Variants in CSMD1 observed in about 807,000 individuals in gnomAD.
The protein encoded by CSMD1 is CUB and sushi domain-containing protein 1.
A neutral mutation model predicts 417.5 loss-of-function variants in CSMD1; 213 were observed. The observed-to-expected ratio is 0.51, with a 90% CI of 0.46 to 0.57. The LOEUF (loss-of-function observed/expected upper bound fraction) is 0.57. Ranked by LOEUF, CSMD1 falls within the 20% of genes least tolerant of loss-of-function variation. The pLI is 0.00. For synonymous variants in CSMD1, 2,862 were observed against 1,736.8 expected, an observed-to-expected ratio of 1.65 and a Z score of -16.11; for missense variants, 6,923 against 4,529.7, an observed-to-expected ratio of 1.53 and a Z score of -15.17.
At chr8:4,143,543 T>C (rs1194256831) in intron 3 of CSMD1, among the ~76,000 whole-genome samples, 2 of 150,988 alleles carry the variant, frequency 1.3e-5, no homozygotes, top group Non-Finnish European at 1.5e-5. Flanking sequence ...AAATCTATAT[T>C]GTATACTTGT....
At chr8:3,090,810 G>A (rs541364356) in intron 48 of CSMD1, among the ~76,000 whole-genome samples, 2 of 152,110 alleles carry the variant, frequency 1.3e-5, no homozygotes, top group African/African-American at 4.8e-5. Context: ...GGAATTAAGA[G>A]TCTGCCTACT....
At chr8:4,082,979 G>A (rs1046370059) in intron 3 of CSMD1, among the ~76,000 whole-genome samples, 3 of 151,882 alleles carry the variant, frequency 2.0e-5, no homozygotes, top group African/African-American at 4.8e-5. Flanking sequence ...ACTCCATGGT[G>A]TATATGTGCC....
chr8:4,535,259 A>G (rs1418619714), intron 2 of CSMD1, among the ~76,000 whole-genome samples: 3 of 152,232 alleles, frequency 2.0e-5, no homozygotes, highest in African/African-American at 7.2e-5. Flanking sequence ...ATTTAAATGA[A>G]TTTAATTTTA....
chr8:3,136,275 G>A (rs1277825354), intron 41 of CSMD1, among the ~76,000 whole-genome samples: 7 of 132,840 alleles, frequency 5.3e-5, no homozygotes, highest in Admixed American at 8.4e-5. Flanking sequence ...TTTGCCCCCC[G>A]AGATAGAGTT....
intron 6 of CSMD1, among the ~76,000 whole-genome samples, chr8:3,728,780 A>G (rs368860502): frequency 6.6e-6 from 1 of 152,210 alleles, no homozygotes; most frequent in African/African-American, 2.4e-5. Flanking sequence ...TCAAATGTCA[A>G]ATATGAGGTT....
intron 50 of CSMD1, among the ~76,000 whole-genome samples, chr8:3,044,753 C>A (rs981409924): frequency 1.3e-5 from 2 of 152,114 alleles, no homozygotes; most frequent in Non-Finnish European, 2.9e-5. Flanking sequence ...GAGGGTGAAA[C>A]GAACTAATTG....
At chr8:3,432,181 T>G (rs150782693) in intron 12 of CSMD1, among the ~76,000 whole-genome samples, 1 of 152,296 alleles carries the variant, frequency 6.6e-6, no homozygotes, top group East Asian at 1.9e-4. Context: ...AATCTGGGCA[T>G]TATAATCAGG....
intron 26 of CSMD1, among the ~76,000 whole-genome samples, chr8:3,254,784 C>G (rs1170698091): frequency 1.3e-5 from 2 of 151,964 alleles, no homozygotes; most frequent in African/African-American, 4.8e-5. Flanking sequence ...AATTTTTTTT[C>G]AAGGTTTTTA....
chr8:3,302,144 A>C (rs1804458923), intron 25 of CSMD1, among the ~76,000 whole-genome samples: 1 of 152,174 alleles, frequency 6.6e-6, no homozygotes, highest in South Asian at 2.1e-4. Context: ...GAATGATGAC[A>C]ATAATGATGA....
At chr8:4,859,974 C>A (rs905242454) in intron 1 of CSMD1, among the ~76,000 whole-genome samples, 1 of 151,820 alleles carries the variant, frequency 6.6e-6, no homozygotes, top group African/African-American at 2.4e-5. Flanking sequence ...TGTTTATTGC[C>A]GCGTTATTCA....
chr8:4,131,051 C>G (rs952515938), intron 3 of CSMD1, among the ~76,000 whole-genome samples: 2 of 152,078 alleles, frequency 1.3e-5, no homozygotes, highest in Non-Finnish European at 2.9e-5. Context: ...TGGATTTGTC[C>G]TAATCCTTTT....
At chr8:3,403,434 C>G (rs1454907886) in intron 15 of CSMD1, among the ~76,000 whole-genome samples, 1 of 152,212 alleles carries the variant, frequency 6.6e-6, no homozygotes, top group East Asian at 1.9e-4. Flanking sequence ...CAGCTGCACT[C>G]AGTCATTAGG....
chr8:3,997,250 G>A (rs747909865), intron 5 of CSMD1, among the ~76,000 whole-genome samples: 29 of 152,284 alleles, frequency 1.9e-4, no homozygotes, highest in Admixed American at 3.9e-4. Context: ...TGGCACTTAT[G>A]GACACAAACG....
chr8:3,135,104 C>T (rs569217211), intron 41 of CSMD1, among the ~76,000 whole-genome samples: 4 of 152,110 alleles, frequency 2.6e-5, no homozygotes, highest in Admixed American at 2.0e-4. Flanking sequence ...TTTGTAGAGA[C>T]AGGGTCTCAC....
In CSMD1 at chr8:3,461,404, G is replaced by A. The variant is rs187728255; in HGVS notation, c.1561+7308C>T. 1.7e-3 allele frequency among the ~76,000 whole-genome samples: 253 copies of A among 152,290 alleles called. 4 individuals carry two copies. The highest frequency in any genetic ancestry group is 2.7e-3 in the East Asian group (14 of 5,174). On this transcript the variant is annotated intron_variant, in intron 12 of 69. Transcript: ENST00000635120. ...GATGTGGTCTTCACCCTAAATCCAC[G>A]GCCATAATGCTGTGTCAGTCCCCAG...
intron 5 of CSMD1, among the ~76,000 whole-genome samples, chr8:3,905,188 G>T (rs1808034297): frequency 1.3e-5 from 2 of 151,982 alleles, no homozygotes; most frequent in Admixed American, 6.6e-5. Context: ...GAAAAAATAT[G>T]TTCATATAAA....
chr8:3,427,331 G>T lies in CSMD1; in HGVS notation c.1562-17726C>A, dbSNP rs750241949. The stretch of plus-strand genomic sequence containing the variant: ...AAGTGCAAACTGAAGTCCTGGAAAT[G>T]AATCAGTACTGATTTTTCTTCAAGT... On this transcript the variant is annotated intron_variant, in intron 12 of 69. Coordinates refer to ENST00000635120, the MANE Select transcript of CSMD1 (RefSeq NM_033225.6). 2.6e-5 allele frequency among the ~76,000 whole-genome samples: 4 copies of T among 152,108 alleles called. 1 individual carries two copies. The East Asian group carries it at 7.7e-4, about 29-fold the overall frequency.
chr8:4,500,134 G>A (rs1215074483), intron 2 of CSMD1, among the ~76,000 whole-genome samples: 1 of 151,970 alleles, frequency 6.6e-6, no homozygotes, highest in African/African-American at 2.4e-5. Flanking sequence ...TGTCTCTGAA[G>A]AGGAGAAGTT....
chr8:4,497,190 T>TA (rs1295704036), intron 2 of CSMD1, among the ~76,000 whole-genome samples: 1 of 152,170 alleles, frequency 6.6e-6, no homozygotes, highest in African/African-American at 2.4e-5. Flanking sequence ...TGTGGTCTTT[T>TA]ACCTTTCCTT....
Sources: allele counts gnomAD v4.1 joint callset (sites outside exome capture counted in the v4.1 genomes callset), GRCh38; gene constraint gnomAD v4.1.1; transcripts MANE v1.5; gene names NCBI Gene and HGNC (gene_info 2026-07-23, HGNC 2026-07-21).